The following TERB1 variants were observed in gnomAD, a reference collection of about 807,000 sequenced individuals.
TERB1 encodes telomere repeats-binding bouquet formation protein 1.
A neutral mutation model predicts 92.3 loss-of-function variants in TERB1; 63 were observed. The ratio of observed to expected loss-of-function variants is 0.68; its 90% CI spans 0.56 to 0.84. The LOEUF (loss-of-function observed/expected upper bound fraction) is 0.84. Ranked by LOEUF, TERB1 falls within the 40% of genes least tolerant of loss-of-function variation. The pLI is 0.00. For missense variants in TERB1, 709 were observed against 843.7 expected, an observed-to-expected ratio of 0.84 and a Z score of 1.98; for synonymous variants, 252 against 283.9, an observed-to-expected ratio of 0.89 and a Z score of 1.13.
intron 13 of TERB1, among the ~76,000 whole-genome samples, chr16:66,771,204 A>T (rs1413244515): frequency 2.6e-5 from 4 of 152,252 alleles, no homozygotes; most frequent in Non-Finnish European, 1.5e-5. Flanking sequence ...GCTCTTAAAC[A>T]CAAGAAAAAA....
chr16:66,801,411 A>T (rs1959293613), intron 1 of TERB1, 57 bp downstream of exon 1: 1 of 152,292 alleles, frequency 6.6e-6, no homozygotes, highest in Non-Finnish European at 1.5e-5. Flanking sequence ...TAAGGGCCTG[A>T]CGGGGCGGTA....
intron 16 of TERB1, among the ~76,000 whole-genome samples, chr16:66,765,890 A>C (rs1206766410): frequency 1.1e-4 from 11 of 97,162 alleles, no homozygotes; most frequent in African/African-American, 4.5e-4. Flanking sequence ...TTTGAGACGG[A>C]GTCTCGCTCT....
Position 66,754,758 on chromosome 16 carries a change from T to C in TERB1, c.*218A>G. The C allele has an allele frequency of 2.1e-6, 1 of 479,846 alleles. No homozygotes were observed. Among genetic ancestry groups the C allele is most frequent in the Non-Finnish European group, 3.6e-6 (1 of 275,940 alleles). The allele number at this position is 479,846 out of a possible 1,614,324, so 29.7% of individuals were successfully genotyped here. A position where few individuals can be genotyped will look rare whatever the true frequency, so the allele number is the denominator to read the frequency against. ...ATATTCCTAAACAAATGTTTGATCT[T>C]ATGAAGGAATTTTCTTACTAATCTG... is the stretch of plus-strand genomic sequence containing the variant. On this transcript the variant is annotated 3_prime_UTR_variant, in exon 19 of 19. Coordinates refer to ENST00000433154, the MANE Select transcript of TERB1 (RefSeq NM_001136505.2).
At chr16:66,783,341 T>C (rs976014948) in intron 9 of TERB1, among the ~76,000 whole-genome samples, 66 of 152,266 alleles carry the variant, frequency 4.3e-4, no homozygotes, top group Non-Finnish European at 4.1e-4. Context: ...GAAATTATCA[T>C]ATTGTTCTTC....
chr16:66,767,380 G>T, intron 16 of TERB1, 35 bp downstream of exon 16: 28 of 1,131,518 alleles, frequency 2.5e-5, no homozygotes, highest in Non-Finnish European at 3.3e-5. Flanking sequence ...AAAAGGCTTT[G>T]ACTGTGAAAC....
rs948614684 is a variant in TERB1 at position 66,769,895 on chromosome 16, G to A, written c.1619+68C>T. Reference sequence around the variant, plus strand: ...CTACATGCCCAATATTTAACAGTGTGGCATACTGTAGTACACAATAAATGC... The same window carrying A: ...CTACATGCCCAATATTTAACAGTGTAGCATACTGTAGTACACAATAAATGC... On this transcript the variant is annotated intron_variant, in intron 14 of 18. Transcript: ENST00000433154. 5.8e-6 allele frequency: 6 copies of A among 1,030,192 alleles called. No homozygotes were observed. In the African/African-American group the frequency reaches 8.0e-5, roughly 14 times the overall value. 63.8% of individuals were successfully genotyped at this position (1,030,192 alleles called of 1,614,324 possible).
At position 66,795,680 on chromosome 16, in the gene TERB1, C is replaced by G. The variant is rs1463044545; in HGVS notation, c.31+1088G>C. Among the ~76,000 whole-genome samples, 7 of 152,210 alleles carry G rather than the reference C, an allele frequency of 4.6e-5. 1 individual carries two copies. The highest frequency in any genetic ancestry group is 7.3e-5 in the Non-Finnish European group (5 of 68,030). On this transcript the variant is annotated intron_variant, in intron 3 of 18. Transcript: ENST00000433154. ...CTTCTCCCTCTCCACAATCTCCATT[C>G]CCTCTTCAGAAATTCTGTCTTTTAT...
chr16:66,776,568 C>A (rs1451252163), intron 11 of TERB1, among the ~76,000 whole-genome samples: 1 of 150,948 alleles, frequency 6.6e-6, no homozygotes, highest in Non-Finnish European at 1.5e-5. Flanking sequence ...GTGGAAGAAG[C>A]AAGAGAGAGC....
At chr16:66,761,067 G>A (rs536033241) in intron 16 of TERB1, among the ~76,000 whole-genome samples, 511 of 126,630 alleles carry the variant, frequency 4.0e-3, no homozygotes, top group African/African-American at 0.013. Context: ...AGCTGAGATC[G>A]CGACTGCACT....
At chr16:66,788,514 G>A (rs2018765917) in intron 5 of TERB1, among the ~76,000 whole-genome samples, 1 of 150,168 alleles carries the variant, frequency 6.7e-6, no homozygotes, top group African/African-American at 2.5e-5. Flanking sequence ...CTTAATCTAG[G>A]CTCCAAAACA....
intron 16 of TERB1, among the ~76,000 whole-genome samples, chr16:66,766,285 A>G (rs535023994): frequency 8.8e-4 from 120 of 136,080 alleles, no homozygotes; most frequent in African/African-American, 3.0e-3. Context: ...AAATGTGGAG[A>G]AAAAAAAGAT....
At chr16:66,776,984 T>G (rs2018559241) in intron 11 of TERB1, among the ~76,000 whole-genome samples, 4 of 152,080 alleles carry the variant, frequency 2.6e-5, no homozygotes, top group African/African-American at 9.6e-5. Context: ...CAGAAAGGGA[T>G]CAAGAGGGGT....
intron 14 of TERB1, among the ~76,000 whole-genome samples, chr16:66,769,294 G>C (rs1176441486): frequency 6.6e-6 from 1 of 152,082 alleles, no homozygotes; most frequent in Non-Finnish European, 1.5e-5. Flanking sequence ...TCTTGAAACA[G>C]ATAAAAGGGG....
At chr16:66,776,587 G>A (rs2018552587) in intron 11 of TERB1, among the ~76,000 whole-genome samples, 1 of 151,936 alleles carries the variant, frequency 6.6e-6, no homozygotes, top group Non-Finnish European at 1.5e-5. Context: ...GCAAAGGGAG[G>A]AGAGTGGAAA....
At chr16:66,783,718 T>TTTGTTG (rs543203804) in intron 9 of TERB1, among the ~76,000 whole-genome samples, 1 of 151,954 alleles carries the variant, frequency 6.6e-6, no homozygotes, top group Non-Finnish European at 1.5e-5. Context: ...TGTTTTGCGT[T>TTTGTTG]TTGTTGTTGT....
chr16:66,792,684 A>C (rs2018855944), intron 3 of TERB1, among the ~76,000 whole-genome samples: 1 of 152,202 alleles, frequency 6.6e-6, no homozygotes, highest in Admixed American at 6.5e-5. Flanking sequence ...CATAGACTTT[A>C]CTTACACAAA....
chr16:66,792,056 A>G (rs1319139539), intron 3 of TERB1, among the ~76,000 whole-genome samples: 2 of 152,172 alleles, frequency 1.3e-5, no homozygotes, highest in African/African-American at 4.8e-5. Context: ...ATTGAATCCA[A>G]CAATATATTA....
At chr16:66,794,917 AAAAAAAC>A (rs1262862480) in intron 3 of TERB1, among the ~76,000 whole-genome samples, 3 of 94,666 alleles carry the variant, frequency 3.2e-5, no homozygotes, top group South Asian at 8.0e-4. Flanking sequence ...CTCAAAAAAA[AAAAAAAC>A]ACACACACAC....
intron 3 of TERB1, 117 bp from the exon 4 acceptor site, chr16:66,791,136 A>G (rs1174030006): frequency 2.0e-6 from 1 of 508,796 alleles, no homozygotes; most frequent in Non-Finnish European, 3.4e-6. Context: ...AGTAATAGGC[A>G]GGTATTACTT....
Sources: gnomAD v4.1 joint callset for allele counts (sites outside exome capture counted in the v4.1 genomes callset) on GRCh38, gnomAD v4.1.1 for gene constraint, MANE v1.5 for transcripts, NCBI Gene and HGNC (gene_info 2026-07-23, HGNC 2026-07-21) for gene names.